Variants in ATP2B2 observed in about 807,000 individuals in gnomAD.
The protein encoded by ATP2B2 is plasma membrane calcium-transporting ATPase 2.
A neutral mutation model predicts 120.0 loss-of-function variants in ATP2B2; 15 were observed. The observed-to-expected ratio is 0.12, with a 90% confidence interval of 0.08 to 0.19. ATP2B2 has a LOEUF of 0.19. ATP2B2 is among the 10% of genes least tolerant of loss of function. The pLI is 1.00. For missense variants in ATP2B2, 1,045 were observed against 1,719.8 expected, an observed-to-expected ratio of 0.61 and a Z score of 6.94; for synonymous variants, 694 against 700.3, an observed-to-expected ratio of 0.99 and a Z score of 0.14.
rs896939815 is a variant in ATP2B2 at position 10,354,816 on chromosome 3, G to C, written c.2136+3875C>G. On this transcript the variant is annotated intron_variant, in intron 14 of 22. Transcript: ENST00000360273. ...AATGTGTCTGCAGGACCCTAGAGAT[G>C]GCCCGGGCTGAGGTTTTCCCTCTGG... 3.9e-5 allele frequency among the ~76,000 whole-genome samples: 6 copies of C among 152,220 alleles called. No individual in the cohort carries two copies. In the East Asian group the frequency reaches 1.2e-3, roughly 29 times the overall value.
intron 1 of ATP2B2, among the ~76,000 whole-genome samples, chr3:10,490,629 C>G (rs1174591313): frequency 6.6e-6 from 1 of 151,982 alleles, no homozygotes; most frequent in Non-Finnish European, 1.5e-5. Context: ...GAGCTCCTGG[C>G]CTCAAGTGAT....
chr3:10,466,453 T>C (rs534028563), intron 1 of ATP2B2, among the ~76,000 whole-genome samples: 81 of 152,206 alleles, frequency 5.3e-4, no homozygotes, highest in African/African-American at 1.9e-3. Context: ...GTCTAGACTA[T>C]GTGTGTGTGG....
In ATP2B2 at chr3:10,586,950, C is replaced by T. The variant is rs914078828; in HGVS notation, c.-415+32967G>A. On this transcript the variant is annotated intron_variant, in intron 2 of 21. Coordinates refer to the ATP2B2 transcript ENST00000646379. ...GCTACACAGTCCTCCCCATCTCTGC[C>T]TCACATCTCGCCCTGACCTTGAGTG... Among the ~76,000 whole-genome samples, 10 of 152,174 alleles carry T rather than the reference C, an allele frequency of 6.6e-5. No homozygotes were observed. In the East Asian group the frequency reaches 1.7e-3, roughly 26 times the overall value.
intron 2 of ATP2B2, among the ~76,000 whole-genome samples, chr3:10,438,104 A>G (rs114767131): frequency 0.062 from 9,476 of 152,212 alleles, 617 homozygotes; most frequent in East Asian, 0.32. Context: ...CCCCTGGCCC[A>G]TACCCACTGT....
chr3:10,630,807 A>C (rs1322785572), intron 1 of ATP2B2, among the ~76,000 whole-genome samples: 1 of 121,960 alleles, frequency 8.2e-6, no homozygotes, highest in Non-Finnish European at 1.6e-5. Context: ...TATTAGCCCA[A>C]TTTGGCAATG....
At chr3:10,475,033 C>T (rs1237740781) in intron 1 of ATP2B2, among the ~76,000 whole-genome samples, 3 of 152,224 alleles carry the variant, frequency 2.0e-5, no homozygotes. Flanking sequence ...GAATTAACCA[C>T]TTCCAGTTTC....
chr3:10,388,473 G>A, intron 5 of ATP2B2, 71 bp from the exon 6 acceptor site: 4 of 1,611,114 alleles, frequency 2.5e-6, no homozygotes, highest in East Asian at 2.2e-5. Context: ...GTGAAAAAAT[G>A]TGGTCTCAGT....
Position 10,669,556 on chromosome 3 carries a change from G to A in ATP2B2, c.-460+38359C>T, listed in dbSNP as rs145389889. Among the ~76,000 whole-genome samples the A allele has an allele frequency of 3.3e-4, 50 of 152,198 alleles. 1 individual carries two copies. The highest frequency in any genetic ancestry group is 1.1e-3 in the African/African-American group (44 of 41,528). ...TGGGGAGTTACAAATACAGGAGCTG[G>A]GCCCCTCCCGTAGACTCTGGGTCAG... is the stretch of plus-strand genomic sequence containing the variant. On this transcript the variant is annotated intron_variant, in intron 1 of 21. Coordinates refer to the ATP2B2 transcript ENST00000646379.
Position 10,505,491 on chromosome 3 carries a change from T to C in ATP2B2, c.-346A>G, listed in dbSNP as rs1267962652. On this transcript the variant is annotated 5_prime_UTR_variant, in exon 1 of 23. Coordinates refer to ENST00000360273, the MANE Select transcript of ATP2B2 (RefSeq NM_001001331.4). ...TGGCTATGAAAATCACCACCAATCC[T>C]GCACGGTTTCCCGGCGGGCAGCCCC... The C allele has an allele frequency of 1.3e-5, 2 of 149,924 alleles. No individual in the cohort carries two copies. Among genetic ancestry groups the C allele is most frequent in the Admixed American group, 6.7e-5 (1 of 15,028 alleles). The allele number at this position is 149,924 out of a possible 1,614,324, so 9.3% of individuals were successfully genotyped here.
intron 19 of ATP2B2, among the ~76,000 whole-genome samples, chr3:10,341,563 G>A (rs1280441095): frequency 1.3e-5 from 2 of 152,072 alleles, no homozygotes; most frequent in Non-Finnish European, 2.9e-5. Context: ...CACCCGCCTC[G>A]GCCTCCCAAA....
chr3:10,444,424 T>C (rs181688437), intron 2 of ATP2B2, among the ~76,000 whole-genome samples: 1 of 152,310 alleles, frequency 6.6e-6, no homozygotes, highest in Admixed American at 6.5e-5. Context: ...TCGTTCAATA[T>C]CATATTCACG....
intron 1 of ATP2B2, among the ~76,000 whole-genome samples, chr3:10,705,517 A>C (rs2071882652): frequency 6.6e-6 from 1 of 152,152 alleles, no homozygotes; most frequent in Non-Finnish European, 1.5e-5. Context: ...CACATCTATT[A>C]CATCGTTTGT....
At chr3:10,707,937 A>ATGC in exon 1 of ATP2B2, 2 of 150,734 alleles carry the variant, frequency 1.3e-5, no homozygotes, top group South Asian at 3.5e-4. Flanking sequence ...CGAGAGCGAG[A>ATGC]TGCTGCCGCC....
chr3:10,465,128 C>A (rs1167365346), intron 1 of ATP2B2, among the ~76,000 whole-genome samples: 4 of 152,240 alleles, frequency 2.6e-5, no homozygotes, highest in Admixed American at 2.6e-4. Context: ...GCCTCCTCTC[C>A]CCTGAGCCCT....
At chr3:10,483,250 A>C (rs1204504639) in intron 1 of ATP2B2, among the ~76,000 whole-genome samples, 1 of 152,230 alleles carries the variant, frequency 6.6e-6, no homozygotes, top group African/African-American at 2.4e-5. Flanking sequence ...CCCATTTTAC[A>C]GATGACGAGG....
At chr3:10,533,658 G>A (rs1216103083) in intron 3 of ATP2B2, among the ~76,000 whole-genome samples, 1 of 152,210 alleles carries the variant, frequency 6.6e-6, no homozygotes, top group Non-Finnish European at 1.5e-5. Context: ...AGCAGGACCA[G>A]GTGAGGTGGC....
chr3:10,353,604 C>T (rs1447886469), intron 14 of ATP2B2, among the ~76,000 whole-genome samples: 1 of 152,144 alleles, frequency 6.6e-6, no homozygotes, highest in Non-Finnish European at 1.5e-5. Flanking sequence ...CTCCTTCAGG[C>T]ACTGGGAACT....
intron 1 of ATP2B2, among the ~76,000 whole-genome samples, chr3:10,670,017 T>C (rs7618415): frequency 0.07 from 10,593 of 152,248 alleles, 510 homozygotes; most frequent in South Asian, 0.14. Flanking sequence ...ACAGATCAGC[T>C]GGGAATTTGC....
In ATP2B2 at chr3:10,582,591, A is replaced by C. The variant is rs571390367; in HGVS notation, c.-415+37326T>G. On this transcript the variant is annotated intron_variant, in intron 2 of 21. Coordinates refer to the ATP2B2 transcript ENST00000646379. Reference sequence around the variant, plus strand: ...CGTGTGGTTGGGGCAGAAGGTCTGCAGTTGGGCAGTGAGGGCCTCTCCTCA... The same window carrying C: ...CGTGTGGTTGGGGCAGAAGGTCTGCCGTTGGGCAGTGAGGGCCTCTCCTCA... 2.6e-5 allele frequency among the ~76,000 whole-genome samples: 4 copies of C among 152,390 alleles called. No homozygotes were observed. The East Asian group carries it at 7.7e-4, about 29-fold the overall frequency.
Sources: gnomAD v4.1 joint callset for allele counts (sites outside exome capture counted in the v4.1 genomes callset) on GRCh38, gnomAD v4.1.1 for gene constraint, MANE v1.5 for transcripts, NCBI Gene and HGNC (gene_info 2026-07-23, HGNC 2026-07-21) for gene names.